Variants in HSPBAP1 observed in about 807,000 individuals in gnomAD.
HSPBAP1 encodes the protein HSPB1 associated protein 1.
Under a neutral mutation model 45.2 loss-of-function variants are expected in HSPBAP1, and 27 were observed. The ratio of observed to expected loss-of-function variants is 0.60; its 90% CI spans 0.44 to 0.82. HSPBAP1 has a LOEUF of 0.82. HSPBAP1 is among the 40% of genes least tolerant of loss of function. The pLI, the probability that HSPBAP1 is intolerant of heterozygous loss-of-function variation, is 0.00. For missense variants in HSPBAP1, 510 were observed against 590.9 expected (o/e 0.86, Z 1.42); for synonymous variants, 204 against 202.7 (o/e 1.01, Z -0.06).
intron 5 of HSPBAP1, chr3:122,753,554 C>A: frequency 1.0e-6 from 1 of 984,748 alleles, no homozygotes. Context: ...TAAACAAAAG[C>A]AATGGGCAGA....
intron 6 of HSPBAP1, among the ~76,000 whole-genome samples, chr3:122,747,237 T>C (rs555125572): frequency 1.3e-5 from 2 of 149,738 alleles, no homozygotes; most frequent in South Asian, 2.1e-4. Flanking sequence ...CCATCCCATC[T>C]AGGAAGTGAG....
chr3:122,777,230 GGTCA>G (rs1383532769), intron 2 of HSPBAP1, among the ~76,000 whole-genome samples: 4 of 152,116 alleles, frequency 2.6e-5, no homozygotes, highest in Non-Finnish European at 2.9e-5. Context: ...ATGCAAAACA[GGTCA>G]GTCAGTCAAT....
intron 6 of HSPBAP1, among the ~76,000 whole-genome samples, chr3:122,751,731 G>A (rs983781350): frequency 3.3e-5 from 5 of 152,134 alleles, no homozygotes; most frequent in Non-Finnish European, 4.4e-5. Context: ...TGCTATAGGC[G>A]AAATTTCTGT....
rs1472229337 is a variant in HSPBAP1, at chr3:122,740,305, AT to A, written c.*39del. On this transcript the variant is annotated 3_prime_UTR_variant, in exon 8 of 8. Coordinates refer to ENST00000306103, the MANE Select transcript of HSPBAP1 (RefSeq NM_024610.6). ...TTAGTCATACTACTTAAAAATATAT[AT>A]TTAAAAAATATTATTTTAAAAGTCA... 12 of 1,274,572 alleles carry A rather than the reference AT, an allele frequency of 9.4e-6. No individual in the cohort carries two copies. In the African/African-American group the frequency reaches 1.7e-4, roughly 18 times the overall value. The allele number at this position is 1,274,572 out of a possible 1,614,324, so 79.0% of individuals were successfully genotyped here. A position where few individuals can be genotyped will look rare whatever the true frequency, so the allele number is the denominator to read the frequency against.
chr3:122,752,769 A>C, intron 5 of HSPBAP1, 95 bp from the exon 6 acceptor site: 1 of 1,406,664 alleles, frequency 7.1e-7, no homozygotes, highest in Non-Finnish European at 9.4e-7. Context: ...GAAAAAAAGG[A>C]ATACAAATGA....
At chr3:122,785,067 A>T (rs76937907) in intron 1 of HSPBAP1, among the ~76,000 whole-genome samples, 8,250 of 152,290 alleles carry the variant, frequency 0.054, 289 homozygotes, top group Middle Eastern at 0.11. Flanking sequence ...CCACTGCACA[A>T]TCCTATTTCT....
At chr3:122,776,522 T>C (rs1441855348) in intron 2 of HSPBAP1, among the ~76,000 whole-genome samples, 1 of 152,198 alleles carries the variant, frequency 6.6e-6, no homozygotes, top group Non-Finnish European at 1.5e-5. Flanking sequence ...TTTAAATAAA[T>C]ATTAGCTATT....
intron 2 of HSPBAP1, among the ~76,000 whole-genome samples, chr3:122,773,035 G>C (rs1277587440): frequency 6.6e-6 from 1 of 151,506 alleles, no homozygotes; most frequent in Non-Finnish European, 1.5e-5. Flanking sequence ...TTTTTTTGTA[G>C]AGACAGGATC....
chr3:122,773,569 G>GC (rs1560149016), intron 2 of HSPBAP1, among the ~76,000 whole-genome samples: 3 of 151,764 alleles, frequency 2.0e-5, no homozygotes, highest in Admixed American at 6.6e-5. Flanking sequence ...GCCCACCTTG[G>GC]CCCCCCAAAG....
At chr3:122,752,158 C>A (rs753092370) in intron 6 of HSPBAP1, among the ~76,000 whole-genome samples, 1 of 152,194 alleles carries the variant, frequency 6.6e-6, no homozygotes, top group Non-Finnish European at 1.5e-5. Flanking sequence ...AGAAAGACTC[C>A]GCTTTGAGAA....
At chr3:122,773,300 T>C (rs79608698) in intron 2 of HSPBAP1, among the ~76,000 whole-genome samples, 9 of 131,856 alleles carry the variant, frequency 6.8e-5, no homozygotes, top group Non-Finnish European at 1.1e-4. Flanking sequence ...ATCAAATAAA[T>C]GTGTTTTTTT....
At chr3:122,769,007 T>C (rs1934886500) in intron 2 of HSPBAP1, 125 bp from the exon 3 acceptor site, 1 of 693,856 alleles carries the variant, frequency 1.4e-6, no homozygotes, top group Non-Finnish European at 2.3e-6. Flanking sequence ...AAAATTCGTG[T>C]TGAGCCAGGT....
chr3:122,770,093 C>T (rs748629822), intron 2 of HSPBAP1, among the ~76,000 whole-genome samples: 36 of 151,610 alleles, frequency 2.4e-4, no homozygotes, highest in Non-Finnish European at 4.3e-4. Context: ...CTTCTTTCAA[C>T]AGCTTTTATC....
chr3:122,759,079 T>A (rs891633654), intron 4 of HSPBAP1, 145 bp downstream of exon 4: 2 of 1,228,922 alleles, frequency 1.6e-6, no homozygotes, highest in Non-Finnish European at 2.2e-6. Context: ...GGTTAAGAGG[T>A]CTGCCCTAAT....
At chr3:122,743,574 A>C (rs904328560) in intron 6 of HSPBAP1, among the ~76,000 whole-genome samples, 2 of 149,348 alleles carry the variant, frequency 1.3e-5, no homozygotes, top group Non-Finnish European at 3.0e-5. Context: ...CTCAAACAAC[A>C]AAAAAAAAAG....
At chr3:122,752,356 C>T (rs747979092) in intron 6 of HSPBAP1, among the ~76,000 whole-genome samples, 5 of 152,106 alleles carry the variant, frequency 3.3e-5, no homozygotes, top group Non-Finnish European at 5.9e-5. Flanking sequence ...CAGCATCAGG[C>T]GCATTCTGTG....
At chr3:122,744,231 C>T (rs577314950) in intron 6 of HSPBAP1, among the ~76,000 whole-genome samples, 4 of 151,940 alleles carry the variant, frequency 2.6e-5, no homozygotes, top group African/African-American at 9.7e-5. Flanking sequence ...TTTCAATACT[C>T]GAATAAGGAG....
chr3:122,754,275 C>T (rs1934261524), intron 5 of HSPBAP1: 1 of 152,940 alleles, frequency 6.5e-6, no homozygotes, highest in South Asian at 2.1e-4. Flanking sequence ...GTTGTATATC[C>T]ATACAATGGA....
At chr3:122,770,604 G>A (rs934675851) in intron 2 of HSPBAP1, among the ~76,000 whole-genome samples, 7 of 152,292 alleles carry the variant, frequency 4.6e-5, no homozygotes, top group African/African-American at 1.7e-4. Flanking sequence ...GGGCAGCTGA[G>A]GCAGGAGGAT....
Sources: allele counts gnomAD v4.1 joint callset (sites outside exome capture counted in the v4.1 genomes callset), GRCh38; gene constraint gnomAD v4.1.1; transcripts MANE v1.5; gene names NCBI Gene and HGNC (gene_info 2026-07-23, HGNC 2026-07-21).